Variants in MECOM observed in about 807,000 individuals in gnomAD.
MECOM encodes histone-lysine N-methyltransferase MECOM.
In MECOM, 13 loss-of-function variants were observed where a neutral mutation model predicts 116.3. That is an observed-to-expected ratio of 0.11 (90% confidence interval 0.07 to 0.18). MECOM has a LOEUF of 0.18. Among genes scored for constraint, MECOM ranks in the 10% least tolerant of loss-of-function variants. The probability of loss-of-function intolerance (pLI) is 1.00; values close to 1 mark genes in which losing one functional copy is unlikely to be tolerated. For missense variants in MECOM, 1,299 were observed against 1,509.0 expected (o/e 0.86, Z 2.31); for synonymous variants, 528 against 535.2 (o/e 0.99, Z 0.19).
rs757774772 is a variant in MECOM, at chr3:169,381,223, C to A, written c.339G>T (p.Gln113His). 2 of 1,612,652 alleles carry A rather than the reference C, an allele frequency of 1.2e-6. No individual in the cohort carries two copies. The highest frequency in any genetic ancestry group is 2.2e-5 in the South Asian group (2 of 91,026). Residue 113 changes from glutamine to histidine, a missense_variant, in exon 2 of 17, where the codon CAG (glutamine) becomes CAT (histidine). This residue lies in a region of MECOM where 374 missense variants were observed against 433.4 expected (regional missense o/e 0.86). Coordinates refer to ENST00000651503, the MANE Select transcript of MECOM (RefSeq NM_004991.4). ...GEKFGPYVGE[Q>H]RSNLKDPSYG... ...AACTGGGGTCTTTCAGGTTTGACCT[C>A]TGCTCTCCCACATAAGGCCCAAACT...
intron 2 of MECOM, among the ~76,000 whole-genome samples, chr3:169,261,862 A>G (rs1757599945): frequency 1.3e-5 from 2 of 152,246 alleles, no homozygotes; most frequent in Non-Finnish European, 2.9e-5. Flanking sequence ...TTTTATGCTT[A>G]CAAATGCAGA....
chr3:169,394,950 A>G lies in MECOM; in HGVS notation c.38-13426T>C, dbSNP rs541630137. Among the ~76,000 whole-genome samples the G allele has an allele frequency of 5.9e-5, 9 of 152,352 alleles. No homozygotes were observed. The South Asian group carries it at 1.4e-3, about 25-fold the overall frequency. ...GTCAAATGAAAATGCTTGGCTGATG[A>G]AAAACCAGCTGAGCCAATTTGCTTT... On this transcript the variant is annotated intron_variant, in intron 1 of 16. Coordinates refer to ENST00000651503, the MANE Select transcript of MECOM (RefSeq NM_004991.4).
At chr3:169,522,569 C>T (rs1490105293) in intron 1 of MECOM, among the ~76,000 whole-genome samples, 2 of 152,192 alleles carry the variant, frequency 1.3e-5, no homozygotes, top group South Asian at 2.1e-4. Context: ...CCAGATCTCT[C>T]TAGACCCACT....
At chr3:169,631,747 T>C (rs961206452) in intron 1 of MECOM, among the ~76,000 whole-genome samples, 1 of 151,672 alleles carries the variant, frequency 6.6e-6, no homozygotes, top group Admixed American at 6.6e-5. Context: ...TTACCGAGAA[T>C]GATGATTTTA....
chr3:169,239,293 T>C (rs1516497), intron 2 of MECOM, among the ~76,000 whole-genome samples: 81,047 of 151,696 alleles, frequency 0.53, 22,125 homozygotes, highest in Middle Eastern at 0.7. Flanking sequence ...TTAAATAATG[T>C]AATACCAATA....
chr3:169,637,993 C>T (rs189439995), intron 1 of MECOM, among the ~76,000 whole-genome samples: 1 of 152,200 alleles, frequency 6.6e-6, no homozygotes, highest in East Asian at 1.9e-4. Flanking sequence ...AATAAAGAAG[C>T]AATGGTAGAG....
chr3:169,406,818 T>C (rs1736774098), intron 1 of MECOM, among the ~76,000 whole-genome samples: 1 of 151,722 alleles, frequency 6.6e-6, no homozygotes, highest in Non-Finnish European at 1.5e-5. Flanking sequence ...TATTATTCTA[T>C]TTCAAGGTTA....
At position 169,121,169 on chromosome 3, in the gene MECOM, G is replaced by C. The variant is rs1381133854; in HGVS notation, c.1019C>G (p.Ser340Cys). The C allele has an allele frequency of 6.2e-7, 1 of 1,612,970 alleles. No individual in the cohort carries two copies. Among genetic ancestry groups the C allele is most frequent in the Non-Finnish European group, 8.5e-7 (1 of 1,179,566 alleles). Residue 340 changes from serine (S) to cysteine (C), a missense_variant, in exon 7 of 17, where the codon TCT (serine) becomes TGT (cysteine). Around this residue, in one of 6 missense-constraint regions of MECOM, gnomAD observed 374 missense variants for 433.4 expected, o/e 0.86. Transcript: ENST00000651503. ...ATGGGCCCGGGCACCGACATGCTGA[G>C]AGCGAATGTGCCGCTGAAGGTTGCT... is the stretch of plus-strand genomic sequence containing the variant. Reference protein sequence around the residue: ...DPSNLQRHIRSQHVGARAHAC... With the variant: ...DPSNLQRHIRCQHVGARAHAC...
intron 1 of MECOM, among the ~76,000 whole-genome samples, chr3:169,655,852 A>G (rs1775481935): frequency 6.6e-6 from 1 of 152,230 alleles, no homozygotes; most frequent in South Asian, 2.1e-4. Flanking sequence ...AAACCCACTA[A>G]GATTTATTGA....
At chr3:169,630,025 C>A (rs937884131) in intron 1 of MECOM, among the ~76,000 whole-genome samples, 5 of 152,174 alleles carry the variant, frequency 3.3e-5, no homozygotes, top group Non-Finnish European at 5.9e-5. Context: ...CCTCCATTGG[C>A]CATCTGAACA....
chr3:169,473,497 G>A (rs762091844), intron 1 of MECOM, among the ~76,000 whole-genome samples: 1 of 152,198 alleles, frequency 6.6e-6, no homozygotes, highest in Admixed American at 6.5e-5. Flanking sequence ...ACGGCAGGGC[G>A]TGGTGGCTCA....
chr3:169,281,071 C>T (rs546763612), intron 2 of MECOM, among the ~76,000 whole-genome samples: 63 of 152,306 alleles, frequency 4.1e-4, no homozygotes, highest in African/African-American at 1.3e-3. Flanking sequence ...TCTTTAATCA[C>T]GTCACATAGG....
At chr3:169,091,039 A>G (rs1719542949) in intron 14 of MECOM, among the ~76,000 whole-genome samples, 1 of 152,120 alleles carries the variant, frequency 6.6e-6, no homozygotes, top group Non-Finnish European at 1.5e-5. Context: ...TTGACCAGAA[A>G]AAGTCATATC....
intron 1 of MECOM, among the ~76,000 whole-genome samples, chr3:169,659,182 G>T (rs570513869): frequency 6.6e-6 from 1 of 152,056 alleles, no homozygotes; most frequent in East Asian, 1.9e-4. Flanking sequence ...GCAGGAAGCC[G>T]GCCCCAGGGC....
intron 1 of MECOM, among the ~76,000 whole-genome samples, chr3:169,570,752 C>T (rs1331723247): frequency 6.6e-6 from 1 of 152,162 alleles, no homozygotes; most frequent in Non-Finnish European, 1.5e-5. Flanking sequence ...ATGATTATCT[C>T]AACAGATGCA....
chr3:169,289,566 A>G (rs1457143585), intron 2 of MECOM, among the ~76,000 whole-genome samples: 1 of 152,236 alleles, frequency 6.6e-6, no homozygotes, highest in Non-Finnish European at 1.5e-5. Flanking sequence ...TTTCTGCTTC[A>G]GCAAATACTT....
chr3:169,175,167 C>T (rs991998970), intron 2 of MECOM, among the ~76,000 whole-genome samples: 4 of 152,154 alleles, frequency 2.6e-5, no homozygotes, highest in South Asian at 4.1e-4. Flanking sequence ...CCCGCACTTA[C>T]AACATATCAG....
At chr3:169,489,428 A>G (rs1447763549) in intron 1 of MECOM, among the ~76,000 whole-genome samples, 1 of 152,246 alleles carries the variant, frequency 6.6e-6, no homozygotes, top group African/African-American at 2.4e-5. Context: ...ATATGGAAGA[A>G]TAAATGACTG....
intron 1 of MECOM, among the ~76,000 whole-genome samples, chr3:169,591,573 G>C (rs932869877): frequency 3.9e-5 from 6 of 152,116 alleles, no homozygotes; most frequent in African/African-American, 7.2e-5. Flanking sequence ...GGCCTCTTCT[G>C]TCTGAGTCCA....
Sources: gnomAD v4.1 joint callset for allele counts (sites outside exome capture counted in the v4.1 genomes callset) on GRCh38, gnomAD v4.1.1 for gene constraint, gnomAD v4.1.1 regional missense constraint, MANE v1.5 for transcripts, NCBI Gene and HGNC (gene_info 2026-07-23, HGNC 2026-07-21) for gene names.